Variants in CMIP observed in about 807,000 individuals in gnomAD.
CMIP encodes the protein c-Maf inducing protein, also known as C-Maf-inducing protein.
CMIP carries 13 observed loss-of-function variants against 97.3 expected under a neutral mutation model. The observed-to-expected ratio is 0.13, with a 90% confidence interval of 0.09 to 0.21. The LOEUF (loss-of-function observed/expected upper bound fraction) is 0.21, where lower values mean the gene tolerates loss of function less well. Among genes scored for constraint, CMIP ranks in the 10% least tolerant of loss-of-function variants. The pLI is 1.00. For synonymous variants in CMIP, 538 were observed against 436.3 expected (o/e 1.23, Z -2.91); for missense variants, 847 against 1,024.9 (o/e 0.83, Z 2.37).
chr16:81,606,045 A>T (rs2150939882), intron 1 of CMIP, among the ~76,000 whole-genome samples: 1 of 152,346 alleles, frequency 6.6e-6, no homozygotes, highest in African/African-American at 2.4e-5. Flanking sequence ...TGGCAGACAG[A>T]TACTGAAATT....
At chr16:81,485,609 C>G (rs558183901) in intron 1 of CMIP, among the ~76,000 whole-genome samples, 12 of 152,132 alleles carry the variant, frequency 7.9e-5, no homozygotes, top group African/African-American at 2.9e-4. Flanking sequence ...AACTGATGGC[C>G]TATTTATTTA....
At chr16:81,573,656 A>G (rs1045582151) in intron 1 of CMIP, among the ~76,000 whole-genome samples, 2 of 152,190 alleles carry the variant, frequency 1.3e-5, no homozygotes, top group Non-Finnish European at 2.9e-5. Context: ...GGGGAGGTCT[A>G]GCCAGCAGGA....
intron 1 of CMIP, among the ~76,000 whole-genome samples, chr16:81,505,983 A>C (rs1481021235): frequency 6.6e-6 from 1 of 152,252 alleles, no homozygotes; most frequent in African/African-American, 2.4e-5. Context: ...CGACAAGAGC[A>C]AAACTCCATC....
At chr16:81,476,594 A>G (rs1486410422) in intron 1 of CMIP, 5 of 477,032 alleles carry the variant, frequency 1.0e-5, no homozygotes, top group Non-Finnish European at 1.9e-5. Flanking sequence ...AAAGTTTCAT[A>G]TAAATAGTAT....
chr16:81,494,576 C>G (rs143611472), intron 1 of CMIP, among the ~76,000 whole-genome samples: 118 of 152,250 alleles, frequency 7.8e-4, no homozygotes, highest in African/African-American at 2.7e-3. Context: ...AGGAGGAGCC[C>G]CAGCCGGCTC....
At chr16:81,506,874 C>T (rs1567549383) in intron 1 of CMIP, among the ~76,000 whole-genome samples, 1 of 142,190 alleles carries the variant, frequency 7.0e-6, no homozygotes, top group Non-Finnish European at 1.5e-5. Context: ...CACTCCACTC[C>T]AGCCTGGATG....
At chr16:81,603,548 A>G (rs1597136560) in intron 1 of CMIP, 1 of 428,734 alleles carries the variant, frequency 2.3e-6, no homozygotes, top group South Asian at 1.6e-5. Flanking sequence ...ATATTGATAC[A>G]TGATTGCCGA....
intron 1 of CMIP, among the ~76,000 whole-genome samples, chr16:81,476,755 A>G (rs765926569): frequency 6.6e-5 from 10 of 152,340 alleles, no homozygotes; most frequent in Admixed American, 2.6e-4. Context: ...GCTGTAAACA[A>G]TGCCACAGTG....
At chr16:81,494,178 AC>A (rs1259148020) in intron 1 of CMIP, among the ~76,000 whole-genome samples, 1 of 151,990 alleles carries the variant, frequency 6.6e-6, no homozygotes, top group Middle Eastern at 3.2e-3. Context: ...GGGGGCAGTT[AC>A]CGGGGCCTCA....
At position 81,671,972 on chromosome 16, in the gene CMIP, C is replaced by T. The variant is rs767066204; in HGVS notation, c.936C>T (p.His312=). 7.6e-5 allele frequency: 119 copies of T among 1,575,326 alleles called. No homozygotes were observed. The highest frequency in any genetic ancestry group is 3.0e-4 in the East Asian group (13 of 43,620). ...GCCCTCTGCTTTTTTCCAGCATGCA[C>T]GGCCCCACAGGGCACTGCCCCCACC... ...EVVKKFIQSM[H]GPTGHCPHPR... Residue 312 remains histidine, a synonymous_variant, in exon 9 of 21, where the codon CAC becomes CAT. Coordinates refer to ENST00000537098, the MANE Select transcript of CMIP (RefSeq NM_198390.3).
chr16:81,548,902 G>A (rs765879823), intron 1 of CMIP, among the ~76,000 whole-genome samples: 4 of 152,140 alleles, frequency 2.6e-5, no homozygotes, highest in Non-Finnish European at 4.4e-5. Flanking sequence ...AATGCCCCCC[G>A]TTGGGAACCA....
At chr16:81,493,611 G>C (rs2089440482) in intron 1 of CMIP, among the ~76,000 whole-genome samples, 1 of 152,260 alleles carries the variant, frequency 6.6e-6, no homozygotes. Flanking sequence ...TCTTCCGGCA[G>C]TGTGGCGAGT....
At chr16:81,629,087 G>C (rs1246157162) in intron 3 of CMIP, among the ~76,000 whole-genome samples, 1 of 131,470 alleles carries the variant, frequency 7.6e-6, no homozygotes, top group Non-Finnish European at 1.6e-5. Context: ...AGTGAGCCGA[G>C]ATGGTGCCAC....
At chr16:81,682,551 G>C (rs954706658) in intron 10 of CMIP, among the ~76,000 whole-genome samples, 7 of 151,842 alleles carry the variant, frequency 4.6e-5, no homozygotes, top group African/African-American at 1.7e-4. Context: ...GGCAACAAGA[G>C]CGAGACTCCC....
In CMIP at chr16:81,453,393, T is replaced by C. The variant is rs543131257; in HGVS notation, c.300+7852T>C. ...TTGGGCTGGGCTGGCTGCATCCAGC[T>C]CAGGTGGGGTCATATGGAGAAGGAA... On this transcript the variant is annotated intron_variant, in intron 1 of 20. Coordinates refer to ENST00000537098, the MANE Select transcript of CMIP (RefSeq NM_198390.3). This position sits in a 1 kb window ranked among gnomAD's most constrained non-coding sequence, Gnocchi z 4.0. Among the ~76,000 whole-genome samples the C allele has an allele frequency of 1.2e-4, 18 of 152,272 alleles. No individual in the cohort carries two copies. The highest frequency in any genetic ancestry group is 5.2e-4 in the Admixed American group (8 of 15,306).
intron 1 of CMIP, among the ~76,000 whole-genome samples, chr16:81,472,097 CAT>C (rs1437846769): frequency 2.6e-5 from 4 of 152,202 alleles, no homozygotes; most frequent in Admixed American, 1.3e-4. Context: ...CGCACATGCA[CAT>C]GTGCTCTCAG....
chr16:81,597,891 G>A lies in CMIP; in HGVS notation c.301-9676G>A, dbSNP rs566149455. ...TTGATGGCTCTGTGATGGCAGAGCC[G>A]TGTCCCTCTCCATCACTGGCCTATC... On this transcript the variant is annotated intron_variant, in intron 1 of 20. Transcript: ENST00000537098. 3.1e-4 allele frequency among the ~76,000 whole-genome samples: 47 copies of A among 152,144 alleles called. 1 individual carries two copies. The highest frequency in any genetic ancestry group is 9.9e-4 in the African/African-American group (41 of 41,514).
At chr16:81,465,371 C>T (rs1907139586) in intron 1 of CMIP, among the ~76,000 whole-genome samples, 1 of 152,134 alleles carries the variant, frequency 6.6e-6, no homozygotes, top group Non-Finnish European at 1.5e-5. Context: ...GAGGGGATGC[C>T]AGCTGGACTT....
intron 1 of CMIP, among the ~76,000 whole-genome samples, chr16:81,541,766 G>C (rs1020099897): frequency 6.6e-6 from 1 of 152,142 alleles, no homozygotes; most frequent in African/African-American, 2.4e-5. Flanking sequence ...CCTTGAGGGG[G>C]TCTTCAGAGA....
Sources: allele counts gnomAD v4.1 joint callset (sites outside exome capture counted in the v4.1 genomes callset), GRCh38; gene constraint gnomAD v4.1.1; non-coding constraint Gnocchi (gnomAD v3.1); transcripts MANE v1.5; gene names NCBI Gene and HGNC (gene_info 2026-07-23, HGNC 2026-07-21).